MTUS2: variants seen among roughly 807,000 people sequenced by gnomAD.
MTUS2 encodes the protein microtubule associated scaffold protein 2.
MTUS2 carries 40 observed loss-of-function variants against 114.1 expected under a neutral mutation model. The observed-to-expected ratio is 0.35, with a 90% CI of 0.27 to 0.46. MTUS2 has a LOEUF of 0.46. MTUS2 is among the 20% of genes least tolerant of loss of function. The probability of loss-of-function intolerance (pLI) is 1.00; values close to 1 mark genes in which losing one functional copy is unlikely to be tolerated. For synonymous variants in MTUS2, 688 were observed against 672.0 expected (o/e 1.02, Z -0.37); for missense variants, 1,679 against 1,705.4 (o/e 0.98, Z 0.27).
chr13:29,405,368 C>G (rs3923625), intron 8 of MTUS2, among the ~76,000 whole-genome samples: 3,642 of 152,262 alleles, frequency 0.024, 67 homozygotes, highest in Middle Eastern at 0.065. Context: ...GACTTCTTTA[C>G]TATCCAAATA....
At chr13:29,135,144 C>A (rs1249923556) in intron 5 of MTUS2, among the ~76,000 whole-genome samples, 1 of 152,178 alleles carries the variant, frequency 6.6e-6, no homozygotes, top group Admixed American at 6.5e-5. Context: ...CTTTGTCCAG[C>A]ATATCTATAC....
intron 11 of MTUS2, chr13:29,489,663 A>C (rs935337233): frequency 2.6e-5 from 4 of 152,250 alleles, no homozygotes; most frequent in Non-Finnish European, 5.9e-5. Context: ...GGTGCAGCCC[A>C]GGCATCAGAA....
intron 8 of MTUS2, among the ~76,000 whole-genome samples, chr13:29,391,500 G>C (rs1873460130): frequency 6.6e-6 from 1 of 151,894 alleles, no homozygotes. Context: ...ATGCCCAGAA[G>C]GAGAAGTCAA....
chr13:28,947,800 A>G (rs1430287759), intron 2 of MTUS2, among the ~76,000 whole-genome samples: 1 of 152,236 alleles, frequency 6.6e-6, no homozygotes, highest in Non-Finnish European at 1.5e-5. Context: ...TTCCTCAAAG[A>G]AAGGAAAATA....
intron 7 of MTUS2, among the ~76,000 whole-genome samples, chr13:29,357,748 T>C (rs1869870334): frequency 6.6e-6 from 1 of 152,258 alleles, no homozygotes; most frequent in Non-Finnish European, 1.5e-5. Flanking sequence ...TATGAAGCAG[T>C]GATTTCACAT....
intron 2 of MTUS2, among the ~76,000 whole-genome samples, chr13:29,022,390 G>C (rs1211890710): frequency 6.6e-6 from 1 of 152,146 alleles, no homozygotes; most frequent in Non-Finnish European, 1.5e-5. Flanking sequence ...ATTAAATAGA[G>C]ATAGGGTTTT....
At position 29,389,493 on chromosome 13, in the gene MTUS2, GTA is replaced by G. The variant is rs147624315; in HGVS notation, c.3117+30026_3117+30027del. Among the ~76,000 whole-genome samples, 127 of 62,560 alleles carry G rather than the reference GTA, an allele frequency of 2.0e-3. 19 individuals are homozygous for G. Among genetic ancestry groups the G allele is most frequent in the African/African-American group, 3.6e-3 (60 of 16,694 alleles). 41.0% of individuals were successfully genotyped at this position (62,560 alleles called of 152,430 possible). On this transcript the variant is annotated intron_variant, in intron 8 of 15. Transcript: ENST00000612955. ...TATATGTATACACGTGTGTGTATGT[GTA>G]TATATGTATACACGTGTGTGTATGT... is the stretch of plus-strand genomic sequence containing the variant.
chr13:29,171,841 G>A (rs1893574964), intron 5 of MTUS2, among the ~76,000 whole-genome samples: 1 of 152,190 alleles, frequency 6.6e-6, no homozygotes, highest in Non-Finnish European at 1.5e-5. Context: ...ATTCCAGTCA[G>A]TAGAAAGGAA....
chr13:29,213,062 G>C (rs1019089229), intron 5 of MTUS2, among the ~76,000 whole-genome samples: 1 of 152,166 alleles, frequency 6.6e-6, no homozygotes, highest in Non-Finnish European at 1.5e-5. Context: ...GGATTTAGGA[G>C]CTTTGTGACA....
At chr13:28,868,099 C>T (rs1877407690) in intron 2 of MTUS2, among the ~76,000 whole-genome samples, 1 of 152,126 alleles carries the variant, frequency 6.6e-6, no homozygotes, top group African/African-American at 2.4e-5. Context: ...GATTACAGGG[C>T]TGCTTTAAAG....
At chr13:29,497,443 G>T in intron 13 of MTUS2, 107 bp downstream of exon 13, 1 of 932,536 alleles carries the variant, frequency 1.1e-6, no homozygotes, top group South Asian at 1.5e-5. Flanking sequence ...CTGTGAATCC[G>T]CTGCTGAAGT....
Position 29,505,930 on chromosome 13 carries a change from T to C in MTUS2, c.*2724T>C, listed in dbSNP as rs924353263. The stretch of plus-strand genomic sequence containing the variant: ...GTGTTTAAAGCCTATTAAAATAAAC[T>C]TGAGGGACTTTCTGCGATATCTACT... On this transcript the variant is annotated 3_prime_UTR_variant, in exon 16 of 16. Coordinates refer to ENST00000612955, the MANE Select transcript of MTUS2 (RefSeq NM_001033602.4). The C allele has an allele frequency of 1.4e-5, 3 of 212,408 alleles. No individual in the cohort carries two copies. In the East Asian group the frequency reaches 2.1e-4, roughly 15 times the overall value. 13.2% of individuals were successfully genotyped at this position (212,408 alleles called of 1,614,324 possible).
intron 5 of MTUS2, among the ~76,000 whole-genome samples, chr13:29,159,139 A>T (rs1892990957): frequency 6.6e-6 from 1 of 152,246 alleles, no homozygotes; most frequent in South Asian, 2.1e-4. Flanking sequence ...TTTGTGTTTT[A>T]AAAAAGTTTA....
intron 1 of MTUS2, among the ~76,000 whole-genome samples, chr13:28,826,880 T>A (rs994355053): frequency 2.6e-5 from 4 of 152,256 alleles, no homozygotes; most frequent in African/African-American, 9.6e-5. Context: ...AGATTGCTAC[T>A]GCAGAGTACT....
chr13:28,821,987 A>G (rs1243740793), intron 1 of MTUS2, among the ~76,000 whole-genome samples: 1 of 152,208 alleles, frequency 6.6e-6, no homozygotes, highest in Non-Finnish European at 1.5e-5. Flanking sequence ...GATATATTTC[A>G]TTTGCAGAAG....
chr13:29,219,859 G>A (rs574354745), intron 5 of MTUS2, among the ~76,000 whole-genome samples: 29 of 152,304 alleles, frequency 1.9e-4, no homozygotes, highest in African/African-American at 7.0e-4. Flanking sequence ...AAGAGAGCTG[G>A]GATGTTGCTC....
intron 11 of MTUS2, among the ~76,000 whole-genome samples, chr13:29,491,057 A>G (rs1566234355): frequency 7.5e-6 from 1 of 132,774 alleles, no homozygotes; most frequent in Non-Finnish European, 1.6e-5. Context: ...GTGTGGTGGG[A>G]GGCATGGGGA....
At chr13:29,141,144 C>G (rs1892203769) in intron 5 of MTUS2, among the ~76,000 whole-genome samples, 1 of 152,154 alleles carries the variant, frequency 6.6e-6, no homozygotes, top group African/African-American at 2.4e-5. Flanking sequence ...TATATTTTTC[C>G]CAGTCCACAA....
chr13:29,422,200 C>T (rs1311314933), intron 8 of MTUS2, among the ~76,000 whole-genome samples: 3 of 152,164 alleles, frequency 2.0e-5, no homozygotes, highest in Admixed American at 1.3e-4. Flanking sequence ...GTTAGTAAAG[C>T]GTAGTGGCTT....
Sources: gnomAD v4.1 joint callset for allele counts (sites outside exome capture counted in the v4.1 genomes callset) on GRCh38, gnomAD v4.1.1 for gene constraint, MANE v1.5 for transcripts, NCBI Gene and HGNC (gene_info 2026-07-23, HGNC 2026-07-21) for gene names.